TIAM1: variants seen among roughly 807,000 people sequenced by gnomAD.
The protein encoded by TIAM1 is TIAM Rac1 associated GEF 1.
Under a neutral mutation model 163.5 loss-of-function variants are expected in TIAM1, and 65 were observed. The observed-to-expected ratio is 0.40, with a 90% CI of 0.33 to 0.49. TIAM1 has a LOEUF of 0.49. Ranked by LOEUF, TIAM1 falls within the 20% of genes least tolerant of loss-of-function variation. The pLI is 0.77. For synonymous variants in TIAM1, 833 were observed against 810.1 expected, an observed-to-expected ratio of 1.03 and a Z score of -0.48; for missense variants, 1,789 against 2,044.7, an observed-to-expected ratio of 0.87 and a Z score of 2.41.
intron 2 of TIAM1, among the ~76,000 whole-genome samples, chr21:31,287,248 C>T (rs2073844802): frequency 6.6e-6 from 1 of 152,140 alleles, no homozygotes; most frequent in African/African-American, 2.4e-5. Flanking sequence ...AATAGCTACG[C>T]TTAGGGCTAT....
chr21:31,238,801 C>T (rs1310730785), intron 6 of TIAM1, among the ~76,000 whole-genome samples: 6 of 152,176 alleles, frequency 3.9e-5, no homozygotes. Context: ...AAATAGTATA[C>T]TCAGACAATA....
chr21:31,205,918 T>C (rs969633617), intron 11 of TIAM1, among the ~76,000 whole-genome samples: 3 of 152,082 alleles, frequency 2.0e-5, no homozygotes, highest in Admixed American at 1.3e-4. Context: ...CAGTGAGCTA[T>C]GACTACACCA....
chr21:31,293,708 G>A (rs761001180), intron 2 of TIAM1, among the ~76,000 whole-genome samples: 9 of 152,212 alleles, frequency 5.9e-5, no homozygotes, highest in Non-Finnish European at 1.2e-4. Context: ...AGGTCGCTGC[G>A]AAGAGCGGCA....
chr21:31,284,242 C>T (rs777272845), intron 2 of TIAM1, among the ~76,000 whole-genome samples: 10 of 152,084 alleles, frequency 6.6e-5, no homozygotes, highest in East Asian at 1.9e-4. Flanking sequence ...ATCCTTAAAC[C>T]GCACACCAAA....
chr21:31,558,085 TG>T (rs945510223), intron 1 of TIAM1, among the ~76,000 whole-genome samples: 12 of 152,062 alleles, frequency 7.9e-5, no homozygotes, highest in African/African-American at 2.9e-4. Context: ...CCGCCGGGGC[TG>T]GGGGGCGCAC....
At chr21:31,438,007 T>C (rs1054328524) in intron 2 of TIAM1, among the ~76,000 whole-genome samples, 7 of 152,126 alleles carry the variant, frequency 4.6e-5, no homozygotes, top group Admixed American at 3.3e-4. Context: ...CTCAGCTTGC[T>C]TTCTTAATAA....
intron 15 of TIAM1, among the ~76,000 whole-genome samples, chr21:31,166,269 G>T (rs373951217): frequency 2.0e-5 from 3 of 152,262 alleles, no homozygotes; most frequent in African/African-American, 7.2e-5. Flanking sequence ...CCTAAAATAT[G>T]AGGCACTGGA....
At chr21:31,331,796 G>A (rs1434098174) in intron 2 of TIAM1, among the ~76,000 whole-genome samples, 1 of 152,128 alleles carries the variant, frequency 6.6e-6, no homozygotes, top group East Asian at 1.9e-4. Context: ...ACAGAATGAG[G>A]GTCCCACATG....
At chr21:31,354,461 C>A (rs1256472203) in intron 2 of TIAM1, among the ~76,000 whole-genome samples, 5 of 149,150 alleles carry the variant, frequency 3.4e-5, no homozygotes, top group African/African-American at 1.0e-4. Flanking sequence ...AACCAAGGAC[C>A]CCCCCTCCAC....
At chr21:31,265,500 T>C (rs974670116) in intron 4 of TIAM1, among the ~76,000 whole-genome samples, 4 of 151,578 alleles carry the variant, frequency 2.6e-5, no homozygotes, top group African/African-American at 9.7e-5. Flanking sequence ...TGGCTCCCGG[T>C]AAGGCAGCGA....
At chr21:31,218,555 C>G (rs1046799989) in intron 8 of TIAM1, among the ~76,000 whole-genome samples, 5 of 147,950 alleles carry the variant, frequency 3.4e-5, no homozygotes, top group African/African-American at 1.3e-4. Flanking sequence ...GGCGACAGAA[C>G]GAGACTCTTT....
chr21:31,420,990 C>T (rs1260519319), intron 2 of TIAM1, among the ~76,000 whole-genome samples: 7 of 151,844 alleles, frequency 4.6e-5, no homozygotes, highest in Admixed American at 3.3e-4. Context: ...GGTATGGTGG[C>T]GGGTGCCTGT....
At chr21:31,437,247 G>C (rs1163426097) in intron 2 of TIAM1, among the ~76,000 whole-genome samples, 1 of 151,828 alleles carries the variant, frequency 6.6e-6, no homozygotes, top group Admixed American at 6.6e-5. Context: ...AAAATATTAT[G>C]GCTGGGCACA....
Position 31,266,259 on chromosome 21 carries a change from C to G in TIAM1, c.714G>C (p.Gln238His). Reference sequence around the variant, plus strand: ...CGTTTGCTGTCACTCCAGAGTTTTTCTGAGCATACAAGTCACCCAAGGAAT... The same window carrying G: ...CGTTTGCTGTCACTCCAGAGTTTTTGTGAGCATACAAGTCACCCAAGGAAT... Reference protein sequence around the residue: ...RANSLGDLYAQKNSGVTANGG... With the variant: ...RANSLGDLYAHKNSGVTANGG... The change falls in exon 4 of 28, where the codon CAG (glutamine) becomes CAC (histidine). Residue 238 changes from glutamine (Q) to histidine (H), a missense_variant. Physicochemically the swap from Gln to His is conservative, Grantham distance 24. Coordinates refer to ENST00000541036, the MANE Select transcript of TIAM1 (RefSeq NM_001353694.2). 1 of 1,614,210 alleles carries G rather than the reference C, an allele frequency of 6.2e-7. No individual in the cohort carries two copies. Among genetic ancestry groups the G allele is most frequent in the African/African-American group, 1.3e-5 (1 of 75,038 alleles).
chr21:31,537,439 TCG>T (rs1252765514), intron 1 of TIAM1, among the ~76,000 whole-genome samples: 2 of 91,970 alleles, frequency 2.2e-5, no homozygotes, highest in East Asian at 1.3e-3. Context: ...CTGCAAGAAA[TCG>T]CAAAAAAAAA....
chr21:31,442,084 T>TATATATATATATATATATAGATAG (rs1389424801), intron 2 of TIAM1, among the ~76,000 whole-genome samples: 1 of 122,708 alleles, frequency 8.1e-6, no homozygotes, highest in African/African-American at 3.1e-5. Context: ...TATATATATA[T>TATATATATATATATATATAGATAG]ATAGAACAAT....
At chr21:31,554,855 G>T (rs373902065) in intron 1 of TIAM1, among the ~76,000 whole-genome samples, 51 of 152,260 alleles carry the variant, frequency 3.3e-4, no homozygotes, top group Middle Eastern at 3.4e-3. Context: ...TCTTCTAGAA[G>T]AATCTCACAC....
intron 6 of TIAM1, among the ~76,000 whole-genome samples, chr21:31,242,364 A>G (rs1411751179): frequency 6.6e-6 from 1 of 151,830 alleles, no homozygotes; most frequent in Non-Finnish European, 1.5e-5. Context: ...CTACAAAAAA[A>G]TAGAAAAAAT....
chr21:31,420,997 C>T (rs1030815913), intron 2 of TIAM1, among the ~76,000 whole-genome samples: 5 of 151,788 alleles, frequency 3.3e-5, no homozygotes, highest in African/African-American at 1.2e-4. Context: ...TGGCGGGTGC[C>T]TGTAATCCCA....
Sources: gnomAD v4.1 joint callset for allele counts (sites outside exome capture counted in the v4.1 genomes callset) on GRCh38, gnomAD v4.1.1 for gene constraint, MANE v1.5 for transcripts, NCBI Gene and HGNC (gene_info 2026-07-23, HGNC 2026-07-21) for gene names.